KAZN: variants seen among roughly 807,000 people sequenced by gnomAD.
KAZN encodes kazrin, periplakin interacting protein.
KAZN carries 40 observed loss-of-function variants against 87.4 expected under a neutral mutation model. That is an observed-to-expected ratio of 0.46 (90% CI 0.36 to 0.60). The LOEUF (loss-of-function observed/expected upper bound fraction) is 0.60. Among genes scored for constraint, KAZN ranks in the 20% least tolerant of loss-of-function variants. The pLI, the probability that KAZN is intolerant of heterozygous loss-of-function variation, is 0.00. For synonymous variants in KAZN, 466 were observed against 458.3 expected (o/e 1.02, Z -0.22); for missense variants, 898 against 1,073.9 (o/e 0.84, Z 2.29).
Position 14,790,683 on chromosome 1 carries a change from C to T in KAZN, c.227-170001C>T, listed in dbSNP as rs113605170. On this transcript the variant is annotated intron_variant, in intron 1 of 14. Coordinates refer to ENST00000376030, the MANE Select transcript of KAZN (RefSeq NM_201628.3). ...CAGCCAGGGATTTGGCCTTTCCCAC[C>T]AGGTCTCCTAGAATTGGAGGAATCC... 4.2e-3 allele frequency among the ~76,000 whole-genome samples: 644 copies of T among 152,230 alleles called. 4 individuals are homozygous for T. Among genetic ancestry groups the T allele is most frequent in the African/African-American group, 0.015 (625 of 41,540 alleles).
intron 1 of KAZN, among the ~76,000 whole-genome samples, chr1:14,107,484 T>G (rs553424210): frequency 1.1e-3 from 169 of 152,224 alleles, no homozygotes; most frequent in African/African-American, 3.9e-3. Flanking sequence ...GCAACTCACA[T>G]TTATGGGTAG....
intron 2 of KAZN, among the ~76,000 whole-genome samples, chr1:14,330,908 T>A (rs1009767973): frequency 2.6e-5 from 4 of 152,166 alleles, no homozygotes; most frequent in African/African-American, 9.7e-5. Context: ...AGAGTAATAC[T>A]TTATTTAGGG....
intron 1 of KAZN, among the ~76,000 whole-genome samples, chr1:14,009,507 C>G (rs1570515504): frequency 6.6e-6 from 1 of 152,158 alleles, no homozygotes; most frequent in African/African-American, 2.4e-5. Flanking sequence ...AATAGCCATC[C>G]TAATGAGTGT....
At chr1:14,893,028 T>C (rs1654884123) in intron 1 of KAZN, among the ~76,000 whole-genome samples, 1 of 152,218 alleles carries the variant, frequency 6.6e-6, no homozygotes, top group Non-Finnish European at 1.5e-5. Context: ...GTCCCTACTG[T>C]CATAAGGCTG....
At chr1:14,682,176 A>G (rs1330154654) in intron 1 of KAZN, among the ~76,000 whole-genome samples, 4 of 151,594 alleles carry the variant, frequency 2.6e-5, no homozygotes, top group Admixed American at 1.3e-4. Context: ...CCCTTTCTCT[A>G]TGGATTTCAC....
At chr1:14,583,043 C>T (rs1675648521) in intron 2 of KAZN, among the ~76,000 whole-genome samples, 1 of 152,218 alleles carries the variant, frequency 6.6e-6, no homozygotes, top group Non-Finnish European at 1.5e-5. Context: ...GCCTGGTGAG[C>T]TTGTCAATCC....
intron 2 of KAZN, among the ~76,000 whole-genome samples, chr1:14,593,421 C>A (rs565646182): frequency 6.6e-6 from 1 of 151,938 alleles, no homozygotes; most frequent in Non-Finnish European, 1.5e-5. Flanking sequence ...TGGGTACATG[C>A]GGGGGAGGGA....
At chr1:14,127,480 G>A (rs546159894) in intron 1 of KAZN, among the ~76,000 whole-genome samples, 259 of 150,038 alleles carry the variant, frequency 1.7e-3, no homozygotes, top group Non-Finnish European at 2.7e-3. Flanking sequence ...CCGTGGTAAA[G>A]CCAGGAGGCC....
chr1:14,159,869 G>T (rs79340357), intron 1 of KAZN, among the ~76,000 whole-genome samples: 4,390 of 152,234 alleles, frequency 0.029, 208 homozygotes, highest in African/African-American at 0.1. Flanking sequence ...GTTCCCTTCT[G>T]GCCTAGGGTG....
intron 4 of KAZN, among the ~76,000 whole-genome samples, chr1:15,046,163 C>T (rs767470164): frequency 1.1e-4 from 16 of 151,848 alleles, no homozygotes; most frequent in South Asian, 8.3e-4. Flanking sequence ...CCAGACATGG[C>T]GGTGGATGCC....
At chr1:14,763,538 C>A (rs114488483) in intron 1 of KAZN, among the ~76,000 whole-genome samples, 1,594 of 152,300 alleles carry the variant, frequency 0.01, 24 homozygotes, top group African/African-American at 0.035. Flanking sequence ...GAGTTTCACG[C>A]AAAGGCATTG....
rs564712640 is a variant in KAZN at position 14,928,011 on chromosome 1, C to G, written c.227-32673C>G. The stretch of plus-strand genomic sequence containing the variant: ...CCAATGGGGAAGTGCAGTTGCTAAT[C>G]CCATCCACAGATGGGGAAACTGGTC... On this transcript the variant is annotated intron_variant, in intron 1 of 14. Coordinates refer to ENST00000376030, the MANE Select transcript of KAZN (RefSeq NM_201628.3). 4.6e-5 allele frequency among the ~76,000 whole-genome samples: 7 copies of G among 152,088 alleles called. No individual in the cohort carries two copies. The South Asian group carries it at 8.3e-4, about 18-fold the overall frequency.
intron 1 of KAZN, among the ~76,000 whole-genome samples, chr1:14,605,535 T>C (rs1466461407): frequency 6.6e-6 from 1 of 152,244 alleles, no homozygotes; most frequent in African/African-American, 2.4e-5. Context: ...CCATGTATTA[T>C]GTATTTTATA....
At chr1:13,989,621 T>C (rs945577919) in intron 1 of KAZN, among the ~76,000 whole-genome samples, 2 of 152,190 alleles carry the variant, frequency 1.3e-5, no homozygotes, top group African/African-American at 4.8e-5. Context: ...TTACTCTATG[T>C]AGTATTCTAG....
upstream of KAZN, among the ~76,000 whole-genome samples, chr1:14,594,968 A>T (rs1676399971): frequency 6.6e-6 from 1 of 152,000 alleles, no homozygotes; most frequent in Non-Finnish European, 1.5e-5. Context: ...AAGATGGTGA[A>T]ACCCCGTCTC....
At chr1:14,813,068 T>C (rs1646460827) in intron 1 of KAZN, among the ~76,000 whole-genome samples, 1 of 152,120 alleles carries the variant, frequency 6.6e-6, no homozygotes, top group Non-Finnish European at 1.5e-5. Flanking sequence ...TTATTCAGAG[T>C]TGGGTTCAGA....
At chr1:14,583,368 T>C (rs1675667857) in intron 2 of KAZN, among the ~76,000 whole-genome samples, 1 of 152,226 alleles carries the variant, frequency 6.6e-6, no homozygotes, top group Admixed American at 6.5e-5. Context: ...GCTCCTTGTG[T>C]GCCAGCCACG....
intron 2 of KAZN, among the ~76,000 whole-genome samples, chr1:14,504,813 A>C (rs1670463691): frequency 6.6e-6 from 1 of 152,192 alleles, no homozygotes; most frequent in Non-Finnish European, 1.5e-5. Flanking sequence ...TTAATGGCCA[A>C]ACTCATGTTC....
rs1331144051 is a variant in KAZN at position 14,727,477 on chromosome 1, T to C, written c.226+128254T>C. Among the ~76,000 whole-genome samples, 27 of 94,832 alleles carry C rather than the reference T, an allele frequency of 2.8e-4. 2 individuals carry two copies. The highest frequency in any genetic ancestry group is 1.1e-3 in the African/African-American group (24 of 22,750). The allele number at this position is 94,832 out of a possible 152,430, so 62.2% of individuals were successfully genotyped here. On this transcript the variant is annotated intron_variant, in intron 1 of 14. Coordinates refer to ENST00000376030, the MANE Select transcript of KAZN (RefSeq NM_201628.3). Reference sequence around the variant, plus strand: ...TTTTTTTTTTTTTTTTTTTTTTTTTTTTTTTTTTTTTTTTTTTTTGAGAAA... The same window carrying C: ...TTTTTTTTTTTTTTTTTTTTTTTTTCTTTTTTTTTTTTTTTTTTTGAGAAA...
Sources: allele counts gnomAD v4.1 joint callset (sites outside exome capture counted in the v4.1 genomes callset), GRCh38; gene constraint gnomAD v4.1.1; transcripts MANE v1.5; gene names NCBI Gene and HGNC (gene_info 2026-07-23, HGNC 2026-07-21).